Variants in ANTXR2 observed in about 807,000 individuals in gnomAD.
ANTXR2 encodes the protein ANTXR cell adhesion molecule 2.
A neutral mutation model predicts 73.7 loss-of-function variants in ANTXR2; 44 were observed. That is an observed-to-expected ratio of 0.60 (90% confidence interval 0.47 to 0.77). The LOEUF (loss-of-function observed/expected upper bound fraction) is 0.77. Among genes scored for constraint, ANTXR2 ranks in the 30% least tolerant of loss-of-function variants. The probability of loss-of-function intolerance (pLI) is 0.00; values close to 1 mark genes in which losing one functional copy is unlikely to be tolerated. For missense variants in ANTXR2, 604 were observed against 592.5 expected (o/e 1.02, Z -0.20); for synonymous variants, 217 against 205.9 (o/e 1.05, Z -0.46).
At chr4:80,062,146 A>G (rs1734291150) in intron 3 of ANTXR2, among the ~76,000 whole-genome samples, 1 of 152,194 alleles carries the variant, frequency 6.6e-6, no homozygotes, top group Non-Finnish European at 1.5e-5. Flanking sequence ...AACATAGGCC[A>G]AGGCTTCTGT....
chr4:79,943,874 A>T (rs1369273834), intron 16 of ANTXR2, among the ~76,000 whole-genome samples: 2 of 151,730 alleles, frequency 1.3e-5, no homozygotes, highest in East Asian at 3.9e-4. Context: ...TCCATTCCTC[A>T]TTTCTAGGAA....
At chr4:79,983,825 C>A in intron 14 of ANTXR2, 53 bp downstream of exon 14, 1 of 1,353,782 alleles carries the variant, frequency 7.4e-7, no homozygotes, top group East Asian at 2.3e-5. Flanking sequence ...CTTAATAGCC[C>A]TAGAAATACA....
intron 15 of ANTXR2, 114 bp from the exon 16 acceptor site, chr4:79,977,815 A>G (rs1291328940): frequency 1.6e-6 from 2 of 1,276,590 alleles, no homozygotes; most frequent in East Asian, 5.1e-5. Flanking sequence ...CATTTCTTTC[A>G]TAAGGTAAAC....
At chr4:79,984,942 A>G (rs1560941147) in intron 12 of ANTXR2, 79 bp from the exon 13 acceptor site, 4 of 1,150,812 alleles carry the variant, frequency 3.5e-6, no homozygotes, top group Non-Finnish European at 5.0e-6. Context: ...AATTTGATAC[A>G]TAAAATACTG....
At chr4:79,979,274 T>G (rs1389768966) in intron 14 of ANTXR2, among the ~76,000 whole-genome samples, 1 of 151,948 alleles carries the variant, frequency 6.6e-6, no homozygotes, top group Non-Finnish European at 1.5e-5. Flanking sequence ...CCAGGAGTAG[T>G]GGAAAGCCCT....
intron 12 of ANTXR2, among the ~76,000 whole-genome samples, chr4:80,006,979 C>CA (rs1342149626): frequency 1.3e-5 from 2 of 152,058 alleles, no homozygotes; most frequent in African/African-American, 4.8e-5. Context: ...CTAAAATAGC[C>CA]ATAACTAGAT....
intron 16 of ANTXR2, among the ~76,000 whole-genome samples, chr4:79,913,561 C>T (rs886962162): frequency 3.9e-5 from 6 of 151,982 alleles, no homozygotes; most frequent in African/African-American, 1.5e-4. Flanking sequence ...AACCACATAC[C>T]CAATATCTAG....
rs1560939150 is a variant in ANTXR2, at chr4:79,983,970, C to T, written c.1087G>A (p.Glu363Lys). 6.4e-7 allele frequency: 1 copy of T among 1,574,754 alleles called. No individual in the cohort carries two copies. The highest frequency in any genetic ancestry group is 1.4e-5 in the African/African-American group (1 of 72,616). The change falls in exon 14 of 17, where the codon GAG becomes AAG. Residue 363 changes from glutamate (E) to lysine (K), a missense_variant and splice_region_variant. Glu to Lys is a moderately conservative substitution (Grantham distance 56). Coordinates refer to ENST00000403729, the MANE Select transcript of ANTXR2 (RefSeq NM_058172.6). ...TTAGTAGGCAAAGGTTCTTCTTCCT[C>T]CTGTGGAAATATGTTTTATAAATAG... ...PPPPAPAPKEEEEEPLPTKKW... is the reference protein window; with the variant it reads ...PPPPAPAPKEKEEEPLPTKKW...
chr4:80,011,078 C>G (rs766248496), intron 11 of ANTXR2, among the ~76,000 whole-genome samples: 1 of 151,630 alleles, frequency 6.6e-6, no homozygotes, highest in East Asian at 1.9e-4. Context: ...ATCTGGGAGG[C>G]GGAGGTTGCA....
intron 16 of ANTXR2, among the ~76,000 whole-genome samples, chr4:79,961,010 C>T (rs2109994364): frequency 6.6e-6 from 1 of 152,060 alleles, no homozygotes; most frequent in Middle Eastern, 3.4e-3. Flanking sequence ...ATAAAGCTTT[C>T]CTTAAACTAA....
intron 10 of ANTXR2, among the ~76,000 whole-genome samples, chr4:80,028,943 G>C (rs921875809): frequency 6.6e-6 from 1 of 152,068 alleles, no homozygotes; most frequent in Non-Finnish European, 1.5e-5. Context: ...AAAATCTAAA[G>C]CTTTGCTTCA....
At chr4:79,991,648 C>T (rs1201795791) in intron 12 of ANTXR2, among the ~76,000 whole-genome samples, 2 of 152,024 alleles carry the variant, frequency 1.3e-5, no homozygotes, top group African/African-American at 4.8e-5. Flanking sequence ...GACATACGCA[C>T]TTGTATGTTC....
At chr4:79,919,756 G>T (rs1295576255) in intron 16 of ANTXR2, among the ~76,000 whole-genome samples, 1 of 150,402 alleles carries the variant, frequency 6.6e-6, no homozygotes, top group African/African-American at 2.5e-5. Flanking sequence ...ATGGCCTATT[G>T]TGGGACCTCA....
intron 3 of ANTXR2, among the ~76,000 whole-genome samples, chr4:80,062,933 C>G (rs549534530): frequency 2.6e-5 from 4 of 152,118 alleles, no homozygotes; most frequent in Non-Finnish European, 5.9e-5. Flanking sequence ...CTGATAACTG[C>G]CAAACCCCAT....
At chr4:79,932,856 TGAA>T (rs1728113658) in intron 16 of ANTXR2, among the ~76,000 whole-genome samples, 1 of 148,446 alleles carries the variant, frequency 6.7e-6, no homozygotes, top group Non-Finnish European at 1.5e-5. Flanking sequence ...ACTAGATTAG[TGAA>T]GGAGGCATTG....
intron 16 of ANTXR2, among the ~76,000 whole-genome samples, chr4:79,973,266 A>C (rs1729500393): frequency 6.6e-6 from 1 of 152,258 alleles, no homozygotes; most frequent in Non-Finnish European, 1.5e-5. Context: ...ATTTCACTAA[A>C]GTAGTGGAAG....
At chr4:80,054,453 C>G in intron 6 of ANTXR2, 101 bp from the exon 7 acceptor site, 1 of 830,192 alleles carries the variant, frequency 1.2e-6, no homozygotes, top group Non-Finnish European at 1.9e-6. Flanking sequence ...AAAATTACCC[C>G]ACAGGATTAA....
At chr4:80,056,811 T>C (rs1006093055) in intron 3 of ANTXR2, among the ~76,000 whole-genome samples, 1 of 151,904 alleles carries the variant, frequency 6.6e-6, no homozygotes, top group Non-Finnish European at 1.5e-5. Context: ...ACAATATTAT[T>C]AAGAGCTATT....
intron 7 of ANTXR2, among the ~76,000 whole-genome samples, chr4:80,046,417 A>G (rs890946187): frequency 6.6e-6 from 1 of 151,834 alleles, no homozygotes; most frequent in African/African-American, 2.4e-5. Context: ...TAATCATTTA[A>G]TGCTAGCTTA....
Sources: gnomAD v4.1 joint callset for allele counts (sites outside exome capture counted in the v4.1 genomes callset) on GRCh38, gnomAD v4.1.1 for gene constraint, MANE v1.5 for transcripts, NCBI Gene and HGNC (gene_info 2026-07-23, HGNC 2026-07-21) for gene names.